The following STXBP5L variants were observed in gnomAD, a reference collection of about 807,000 sequenced individuals.
STXBP5L encodes the protein syntaxin-binding protein 5-like.
In STXBP5L, 65 loss-of-function variants were observed where a neutral mutation model predicts 144.5. The observed-to-expected ratio is 0.45, with a 90% CI of 0.37 to 0.55. STXBP5L has a LOEUF of 0.55. Ranked by LOEUF, STXBP5L falls within the 20% of genes least tolerant of loss-of-function variation. STXBP5L has a pLI of 0.00. For missense variants in STXBP5L, 1,298 were observed against 1,405.5 expected, an observed-to-expected ratio of 0.92 and a Z score of 1.22; for synonymous variants, 505 against 469.6, an observed-to-expected ratio of 1.08 and a Z score of -0.97.
intron 3 of STXBP5L, among the ~76,000 whole-genome samples, chr3:120,975,445 T>A (rs1356525933): frequency 6.6e-6 from 1 of 152,222 alleles, no homozygotes; most frequent in Admixed American, 6.5e-5. Flanking sequence ...GATTTTGGGC[T>A]GAGACAATGG....
chr3:120,974,237 A>T (rs1289221797), intron 3 of STXBP5L, among the ~76,000 whole-genome samples: 1 of 152,054 alleles, frequency 6.6e-6, no homozygotes, highest in Non-Finnish European at 1.5e-5. Context: ...TGCCATTCTA[A>T]CTGGTGTGAG....
At chr3:120,967,902 G>A (rs543390491) in intron 3 of STXBP5L, among the ~76,000 whole-genome samples, 85 of 152,164 alleles carry the variant, frequency 5.6e-4, no homozygotes, top group Middle Eastern at 3.4e-3. Flanking sequence ...TTATGATTTT[G>A]TACAGTTTCT....
chr3:121,332,425 C>A (rs115661803), intron 20 of STXBP5L, among the ~76,000 whole-genome samples: 5,477 of 134,924 alleles, frequency 0.041, 154 homozygotes, highest in Middle Eastern at 0.094. Flanking sequence ...AAAAAAAAAA[C>A]CAGAACTTCT....
intron 21 of STXBP5L, among the ~76,000 whole-genome samples, chr3:121,379,545 G>T (rs568207845): frequency 6.6e-6 from 1 of 152,276 alleles, no homozygotes; most frequent in South Asian, 2.1e-4. Flanking sequence ...GTAATTCTAT[G>T]CTGTGAAGTA....
chr3:121,403,068 T>C (rs1254737144), intron 22 of STXBP5L, among the ~76,000 whole-genome samples: 1 of 152,192 alleles, frequency 6.6e-6, no homozygotes, highest in Non-Finnish European at 1.5e-5. Context: ...GCAATCACCA[T>C]GTGTCCTCTT....
intron 7 of STXBP5L, among the ~76,000 whole-genome samples, chr3:121,130,114 C>G (rs1256541911): frequency 6.6e-6 from 1 of 152,106 alleles, no homozygotes; most frequent in Non-Finnish European, 1.5e-5. Context: ...TAGTGTTTGT[C>G]TCCTAAGTCA....
chr3:121,110,076 C>G (rs2043906758), intron 5 of STXBP5L, among the ~76,000 whole-genome samples: 1 of 152,094 alleles, frequency 6.6e-6, no homozygotes. Flanking sequence ...TTTCCCTCAT[C>G]CTTTTATTTT....
chr3:120,999,477 A>C (rs150406709), intron 3 of STXBP5L, among the ~76,000 whole-genome samples: 1 of 152,302 alleles, frequency 6.6e-6, no homozygotes, highest in East Asian at 1.9e-4. Context: ...TACACGTGAC[A>C]TTGGTCTCTC....
At chr3:120,935,820 G>C (rs1006690080) in intron 2 of STXBP5L, among the ~76,000 whole-genome samples, 2 of 151,690 alleles carry the variant, frequency 1.3e-5, no homozygotes, top group Non-Finnish European at 2.9e-5. Flanking sequence ...TTGATCTTCT[G>C]TAGTTTGGAT....
intron 5 of STXBP5L, among the ~76,000 whole-genome samples, chr3:121,053,128 G>A (rs916236984): frequency 4.6e-5 from 7 of 152,146 alleles, no homozygotes; most frequent in African/African-American, 1.7e-4. Context: ...CCATGCTCAT[G>A]GGTAGGAAGA....
At chr3:121,128,437 A>G (rs1158806289) in intron 7 of STXBP5L, among the ~76,000 whole-genome samples, 1 of 152,116 alleles carries the variant, frequency 6.6e-6, no homozygotes, top group Admixed American at 6.6e-5. Flanking sequence ...GAGGCTTCTG[A>G]GGAGACTGTC....
At chr3:121,276,811 C>T (rs1052549399) in intron 18 of STXBP5L, among the ~76,000 whole-genome samples, 1 of 151,258 alleles carries the variant, frequency 6.6e-6, no homozygotes, top group Non-Finnish European at 1.5e-5. Flanking sequence ...GATTATGATG[C>T]CTTTTTGTTT....
intron 20 of STXBP5L, among the ~76,000 whole-genome samples, chr3:121,373,993 G>A (rs2108667071): frequency 6.6e-6 from 1 of 152,158 alleles, no homozygotes; most frequent in East Asian, 1.9e-4. Flanking sequence ...GCCTACTCAG[G>A]GCCCATACTA....
chr3:121,131,268 G>A (rs1260886898), intron 7 of STXBP5L, among the ~76,000 whole-genome samples: 1 of 152,030 alleles, frequency 6.6e-6, no homozygotes, highest in Non-Finnish European at 1.5e-5. Flanking sequence ...GCTCTAAGCA[G>A]GTAGATATAA....
chr3:120,929,160 A>G (rs1287244936), intron 2 of STXBP5L, among the ~76,000 whole-genome samples: 1 of 152,190 alleles, frequency 6.6e-6, no homozygotes, highest in East Asian at 1.9e-4. Flanking sequence ...GTTGTGAATG[A>G]GGGAGCTGCG....
chr3:121,379,855 G>C (rs894838254), intron 21 of STXBP5L, among the ~76,000 whole-genome samples: 1 of 152,068 alleles, frequency 6.6e-6, no homozygotes, highest in African/African-American at 2.4e-5. Flanking sequence ...TTTTTAAAGA[G>C]TTAGGATCTC....
intron 22 of STXBP5L, among the ~76,000 whole-genome samples, chr3:121,387,996 A>G (rs1043494497): frequency 4.6e-5 from 7 of 152,210 alleles, no homozygotes; most frequent in African/African-American, 1.7e-4. Flanking sequence ...CTTGGGCAGT[A>G]TGGCCATTTT....
intron 5 of STXBP5L, among the ~76,000 whole-genome samples, chr3:121,068,076 C>G (rs994113937): frequency 7.2e-5 from 11 of 152,254 alleles, no homozygotes; most frequent in East Asian, 3.8e-4. Flanking sequence ...GTGGCACAAT[C>G]TCAGCTCACT....
At chr3:121,084,174 C>T (rs555441487) in intron 5 of STXBP5L, among the ~76,000 whole-genome samples, 1 of 151,860 alleles carries the variant, frequency 6.6e-6, no homozygotes, top group South Asian at 2.1e-4. Flanking sequence ...AGGTAAGTTA[C>T]TGGTTTGAGA....
Sources: gnomAD v4.1 joint callset for allele counts (sites outside exome capture counted in the v4.1 genomes callset) on GRCh38, gnomAD v4.1.1 for gene constraint, MANE v1.5 for transcripts, NCBI Gene and HGNC (gene_info 2026-07-23, HGNC 2026-07-21) for gene names.